The following CERS6 variants were observed in gnomAD, a reference collection of about 807,000 sequenced individuals.
The protein encoded by CERS6 is ceramide synthase 6, also known as LAG1 homolog, ceramide synthase 6.
Under a neutral mutation model 56.8 loss-of-function variants are expected in CERS6, and 26 were observed. The observed-to-expected ratio is 0.46, with a 90% CI of 0.34 to 0.63. CERS6 has a LOEUF of 0.63. Ranked by LOEUF, CERS6 falls within the 30% of genes least tolerant of loss-of-function variation. The pLI, the probability that CERS6 is intolerant of heterozygous loss-of-function variation, is 0.01. For missense variants in CERS6, 415 were observed against 467.5 expected, an observed-to-expected ratio of 0.89 and a Z score of 1.04; for synonymous variants, 164 against 173.3, an observed-to-expected ratio of 0.95 and a Z score of 0.42.
intron 1 of CERS6, among the ~76,000 whole-genome samples, chr2:168,536,212 T>A (rs1385366928): frequency 6.6e-6 from 1 of 152,240 alleles, no homozygotes; most frequent in Non-Finnish European, 1.5e-5. Flanking sequence ...CACTTTTGCT[T>A]ATATCGTTGA....
chr2:168,741,542 A>G (rs1009993795), intron 8 of CERS6, among the ~76,000 whole-genome samples: 2 of 152,126 alleles, frequency 1.3e-5, no homozygotes, highest in Admixed American at 6.5e-5. Flanking sequence ...AAATCCCACA[A>G]TGTTTTAAGA....
At chr2:168,680,343 G>A (rs564404713) in intron 4 of CERS6, among the ~76,000 whole-genome samples, 33 of 152,310 alleles carry the variant, frequency 2.2e-4, no homozygotes, top group Non-Finnish European at 4.3e-4. Context: ...TAGGGAGGAG[G>A]CATTTGAACT....
chr2:168,586,763 TC>T (rs149465225), intron 3 of CERS6, among the ~76,000 whole-genome samples: 1,840 of 152,332 alleles, frequency 0.012, 30 homozygotes, highest in African/African-American at 0.041. Context: ...AAATTTCCTG[TC>T]ATAAAAAGTG....
At chr2:168,464,108 T>C (rs997634756) in intron 1 of CERS6, among the ~76,000 whole-genome samples, 1 of 152,040 alleles carries the variant, frequency 6.6e-6, no homozygotes, top group Non-Finnish European at 1.5e-5. Context: ...CTTCAGGTTT[T>C]TTCTTACTTC....
chr2:168,671,360 C>T (rs567320704), intron 4 of CERS6, among the ~76,000 whole-genome samples: 135 of 152,188 alleles, frequency 8.9e-4, no homozygotes, highest in African/African-American at 3.0e-3. Flanking sequence ...GTTAAAGTGG[C>T]GTCATTTAAA....
At chr2:168,483,285 T>A in intron 1 of CERS6, among the ~76,000 whole-genome samples, 1 of 97,716 alleles carries the variant, frequency 1.0e-5, no homozygotes, top group East Asian at 2.9e-4. Context: ...ACATAGCTAT[T>A]TTTTTTTTTT....
At chr2:168,674,138 T>A (rs1685993253) in intron 4 of CERS6, among the ~76,000 whole-genome samples, 1 of 152,226 alleles carries the variant, frequency 6.6e-6, no homozygotes, top group Admixed American at 6.5e-5. Flanking sequence ...GCAAGAAAAG[T>A]CAAGCCGAGA....
intron 4 of CERS6, among the ~76,000 whole-genome samples, chr2:168,643,698 C>A (rs1033009248): frequency 9.2e-5 from 14 of 152,164 alleles, no homozygotes; most frequent in African/African-American, 3.4e-4. Flanking sequence ...ACAGTGGCTG[C>A]CTGTATTCCT....
intron 1 of CERS6, among the ~76,000 whole-genome samples, chr2:168,484,631 T>C (rs945167351): frequency 6.6e-6 from 1 of 152,218 alleles, no homozygotes; most frequent in Non-Finnish European, 1.5e-5. Context: ...AATGCTGAAC[T>C]GCTTGTTGAT....
rs1454317287 is a variant in CERS6 at position 168,588,442 on chromosome 2, C to A, written c.407+27120C>A. On this transcript the variant is annotated intron_variant, in intron 3 of 9. Coordinates refer to ENST00000305747, the MANE Select transcript of CERS6 (RefSeq NM_203463.3). The stretch of plus-strand genomic sequence containing the variant: ...TTTCCCTCTCCCAGATCCCTCATAA[C>A]CCCCACTCTACTTTGTTTCTATGAA... Among the ~76,000 whole-genome samples, 7 of 152,172 alleles carry A rather than the reference C, an allele frequency of 4.6e-5. 1 individual carries two copies. The East Asian group carries it at 9.7e-4, about 21-fold the overall frequency.
Position 168,723,411 on chromosome 2 carries a change from C to A in CERS6, c.845+5433C>A, listed in dbSNP as rs115952466. On this transcript the variant is annotated intron_variant, in intron 8 of 9. Transcript: ENST00000305747. ...TTCCTGTTCTGTACCTCAGCCCAGC[C>A]AGTATTCAAAAAACAAAAAAATCCA... Among the ~76,000 whole-genome samples, 1,122 of 152,254 alleles carry A rather than the reference C, an allele frequency of 7.4e-3. 11 individuals carry two copies. Among genetic ancestry groups the A allele is most frequent in the African/African-American group, 0.025 (1,052 of 41,552 alleles).
intron 1 of CERS6, among the ~76,000 whole-genome samples, chr2:168,458,658 G>A (rs1274916234): frequency 6.6e-6 from 1 of 152,212 alleles, no homozygotes; most frequent in Non-Finnish European, 1.5e-5. Context: ...CTAAGTAGAA[G>A]AGATTTAATG....
At chr2:168,621,307 T>TTTGGCCAC (rs1372654882) in intron 3 of CERS6, among the ~76,000 whole-genome samples, 2 of 152,234 alleles carry the variant, frequency 1.3e-5, no homozygotes, top group Non-Finnish European at 2.9e-5. Context: ...TGACTGAATT[T>TTTGGCCAC]AATTTTGGCC....
intron 4 of CERS6, among the ~76,000 whole-genome samples, chr2:168,654,709 G>A (rs529896824): frequency 6.6e-6 from 1 of 152,198 alleles, no homozygotes; most frequent in South Asian, 2.1e-4. Context: ...GTAGAATTTT[G>A]TACAAAAGTA....
chr2:168,573,484 T>G (rs1313578300), intron 3 of CERS6, among the ~76,000 whole-genome samples: 2 of 152,182 alleles, frequency 1.3e-5, no homozygotes, highest in Non-Finnish European at 2.9e-5. Context: ...CAATTTATAT[T>G]ATTTTTATTT....
chr2:168,568,138 C>A (rs775009917), intron 3 of CERS6, among the ~76,000 whole-genome samples: 2 of 152,158 alleles, frequency 1.3e-5, no homozygotes, highest in Admixed American at 6.5e-5. Flanking sequence ...ACAAGACAGG[C>A]CATACCTTGG....
intron 4 of CERS6, among the ~76,000 whole-genome samples, chr2:168,636,275 TG>T (rs1684857827): frequency 1.3e-5 from 2 of 152,196 alleles, no homozygotes; most frequent in Non-Finnish European, 2.9e-5. Context: ...TTGCTGTCTT[TG>T]GACTGTCTAG....
chr2:168,469,150 A>G (rs1445053897), intron 1 of CERS6, among the ~76,000 whole-genome samples: 2 of 152,204 alleles, frequency 1.3e-5, no homozygotes, highest in Non-Finnish European at 2.9e-5. Context: ...TTTTTCTTTA[A>G]GAGAAATAAA....
At chr2:168,507,722 C>G (rs751932550) in intron 1 of CERS6, among the ~76,000 whole-genome samples, 20 of 152,176 alleles carry the variant, frequency 1.3e-4, no homozygotes, top group Non-Finnish European at 2.5e-4. Flanking sequence ...CAACTTCCAC[C>G]TGAATCAACT....
Sources: gnomAD v4.1 joint callset for allele counts (sites outside exome capture counted in the v4.1 genomes callset) on GRCh38, gnomAD v4.1.1 for gene constraint, MANE v1.5 for transcripts, NCBI Gene and HGNC (gene_info 2026-07-23, HGNC 2026-07-21) for gene names.